The following VWA8 variants were observed in gnomAD, a reference collection of about 807,000 sequenced individuals.
VWA8 encodes the protein von Willebrand factor A domain-containing protein 8.
In VWA8, 221 loss-of-function variants were observed where a neutral mutation model predicts 241.5. The observed-to-expected ratio is 0.91, with a 90% CI of 0.82 to 1.02. The LOEUF (loss-of-function observed/expected upper bound fraction) is 1.02, where lower values mean the gene tolerates loss of function less well. Ranked by LOEUF, VWA8 falls within the 50% of genes least tolerant of loss-of-function variation. VWA8 has a pLI of 0.00. For missense variants in VWA8, 2,322 were observed against 2,328.7 expected (o/e 1.00, Z 0.06); for synonymous variants, 852 against 827.1 (o/e 1.03, Z -0.52).
At position 41,894,221 on chromosome 13, in the gene VWA8, T is replaced by C. The variant is rs1260700235; in HGVS notation, c.484-2634A>G. On this transcript the variant is annotated intron_variant, in intron 4 of 44. Coordinates refer to ENST00000379310, the MANE Select transcript of VWA8 (RefSeq NM_015058.2). ...ATAGGACAACAACAAACACTGCAGC[T>C]CCACTTTCATTCACCTCAGGTGTAC... 2.6e-5 allele frequency among the ~76,000 whole-genome samples: 4 copies of C among 152,188 alleles called. No homozygotes were observed. In the East Asian group the frequency reaches 7.7e-4, roughly 29 times the overall value.
In VWA8 at chr13:41,787,664, A is replaced by G. The variant is rs573641162; in HGVS notation, c.2064-121T>C. On this transcript the variant is annotated intron_variant, in intron 17 of 44. Transcript: ENST00000379310. ...CCTTACTAATTACAACTAATTAAGG[A>G]AGATCAGTCTGGATCTGTAAAATCT... 39 of 677,144 alleles carry G rather than the reference A, an allele frequency of 5.8e-5. No individual in the cohort carries two copies. In the East Asian group the frequency reaches 9.9e-4, roughly 17 times the overall value. The allele number at this position is 677,144 out of a possible 1,614,324, so 41.9% of individuals were successfully genotyped here. A position where few individuals can be genotyped will look rare whatever the true frequency, so the allele number is the denominator to read the frequency against.
intron 24 of VWA8, among the ~76,000 whole-genome samples, chr13:41,724,284 T>A (rs115677136): frequency 6.6e-6 from 1 of 152,140 alleles, no homozygotes; most frequent in African/African-American, 2.4e-5. Flanking sequence ...GACAACTCTT[T>A]TGAGTACAAA....
At chr13:41,716,398 A>G (rs2045348244) in intron 26 of VWA8, among the ~76,000 whole-genome samples, 1 of 152,102 alleles carries the variant, frequency 6.6e-6, no homozygotes, top group Non-Finnish European at 1.5e-5. Context: ...CAAAAGGGAA[A>G]GTGACAGCAT....
intron 17 of VWA8, among the ~76,000 whole-genome samples, chr13:41,788,104 C>T (rs549410495): frequency 5.9e-5 from 9 of 152,204 alleles, no homozygotes; most frequent in East Asian, 1.9e-4. Flanking sequence ...TTCAAACAAA[C>T]GGATTATGAG....
intron 40 of VWA8, among the ~76,000 whole-genome samples, chr13:41,595,882 C>A (rs1794706512): frequency 6.6e-6 from 1 of 152,128 alleles, no homozygotes; most frequent in South Asian, 2.1e-4. Context: ...ATATGTTCAG[C>A]TTTAGCGTAT....
rs116664916 is a variant in VWA8 at position 41,583,155 on chromosome 13, G to A, written c.5271+4357C>T. ...CCATCTTACCTCCTTCCTGCCCTGC[G>A]CATTGGCCTGGGGAGCCCTAGCAGA... On this transcript the variant is annotated intron_variant, in intron 42 of 44. Coordinates refer to ENST00000379310, the MANE Select transcript of VWA8 (RefSeq NM_015058.2). Among the ~76,000 whole-genome samples, 33 of 152,240 alleles carry A rather than the reference G, an allele frequency of 2.2e-4. No homozygotes were observed. In the South Asian group the frequency reaches 2.7e-3, roughly 12 times the overall value.
intron 9 of VWA8, among the ~76,000 whole-genome samples, chr13:41,872,001 A>C (rs1300847854): frequency 7.9e-5 from 12 of 152,132 alleles, no homozygotes; most frequent in Non-Finnish European, 1.5e-5. Context: ...TGCCATTCTA[A>C]CTGGTGTGAG....
intron 4 of VWA8, among the ~76,000 whole-genome samples, chr13:41,895,754 C>T (rs1170503760): frequency 6.6e-6 from 1 of 151,784 alleles, no homozygotes; most frequent in Non-Finnish European, 1.5e-5. Context: ...TGTGATACGT[C>T]CTGTTTGCTA....
chr13:41,638,785 A>G (rs2044775719), intron 37 of VWA8, among the ~76,000 whole-genome samples: 1 of 152,238 alleles, frequency 6.6e-6, no homozygotes, highest in Non-Finnish European at 1.5e-5. Flanking sequence ...TACATGAATT[A>G]GAATGATAGG....
At chr13:41,585,863 TAAA>T (rs5803094) in intron 42 of VWA8, among the ~76,000 whole-genome samples, 2 of 102,638 alleles carry the variant, frequency 1.9e-5, no homozygotes, top group African/African-American at 3.9e-5. Context: ...GACACCGTCT[TAAA>T]AAAAAAAAAA....
rs147091194 is a variant in VWA8, at chr13:41,636,615, G to T, written c.4612-21531C>A. ...ACTAAAAAGCTTCTGTACAGCAAAA[G>T]AAACTACCTATAGGCAACCTATAGA... On this transcript the variant is annotated intron_variant, in intron 37 of 44. Transcript: ENST00000379310. Among the ~76,000 whole-genome samples the T allele has an allele frequency of 1.0e-3, 153 of 152,204 alleles. 1 individual carries two copies. Among genetic ancestry groups the T allele is most frequent in the African/African-American group, 3.5e-3 (147 of 41,536 alleles).
At chr13:41,819,532 C>CA (rs907986670) in intron 14 of VWA8, 146 bp from the exon 15 acceptor site, 1 of 894,828 alleles carries the variant, frequency 1.1e-6, no homozygotes, top group African/African-American at 1.7e-5. Flanking sequence ...TTGAAAAAAA[C>CA]AAAGTCAGGA....
At chr13:41,942,508 G>A (rs928006259) in intron 2 of VWA8, among the ~76,000 whole-genome samples, 6 of 152,142 alleles carry the variant, frequency 3.9e-5, no homozygotes, top group Admixed American at 1.3e-4. Context: ...AGATGTGTCA[G>A]GAGAAACAAA....
chr13:41,754,828 C>T (rs888428200), intron 21 of VWA8, among the ~76,000 whole-genome samples: 10 of 152,040 alleles, frequency 6.6e-5, no homozygotes, highest in African/African-American at 2.4e-4. Context: ...TAATTTTTAG[C>T]TCTTACAAAT....
intron 37 of VWA8, among the ~76,000 whole-genome samples, chr13:41,654,398 C>T (rs1250190396): frequency 6.6e-6 from 1 of 152,102 alleles, no homozygotes; most frequent in Non-Finnish European, 1.5e-5. Context: ...AGAGCAGTCC[C>T]CAACATTTTT....
At chr13:41,746,341 T>C (rs920471424) in intron 21 of VWA8, among the ~76,000 whole-genome samples, 2 of 152,014 alleles carry the variant, frequency 1.3e-5, no homozygotes, top group Non-Finnish European at 2.9e-5. Flanking sequence ...ATCTAGAAAA[T>C]AAAGATGAAG....
intron 1 of VWA8, among the ~76,000 whole-genome samples, chr13:41,954,835 G>C (rs4942082): frequency 0.81 from 123,810 of 152,114 alleles, 51,213 homozygotes; most frequent in East Asian, 1. Context: ...AAATGTCATC[G>C]TTTGCAACTA....
intron 22 of VWA8, 49 bp downstream of exon 22, chr13:41,732,031 T>C: frequency 6.5e-7 from 1 of 1,540,868 alleles, no homozygotes; most frequent in Non-Finnish European, 8.9e-7. Context: ...GAAATACAAC[T>C]ATGATACAAA....
intron 22 of VWA8, 95 bp from the exon 23 acceptor site, chr13:41,729,772 T>C: frequency 8.3e-7 from 1 of 1,201,256 alleles, no homozygotes. Flanking sequence ...ACAGCTGGCT[T>C]TATTTAAGTT....
Sources: allele counts gnomAD v4.1 joint callset (sites outside exome capture counted in the v4.1 genomes callset), GRCh38; gene constraint gnomAD v4.1.1; transcripts MANE v1.5; gene names NCBI Gene and HGNC (gene_info 2026-07-23, HGNC 2026-07-21).